The following ACCSL variants were observed in gnomAD, a reference collection of about 807,000 sequenced individuals.
ACCSL encodes the protein 1-aminocyclopropane-1-carboxylate synthase homolog (inactive) like.
Under a neutral mutation model 61.7 loss-of-function variants are expected in ACCSL, and 55 were observed. The observed-to-expected ratio is 0.89, with a 90% CI of 0.72 to 1.12. The LOEUF is 1.12. Ranked by LOEUF, ACCSL falls within the 50% of genes most tolerant of loss-of-function variation. The pLI is 0.00. For synonymous variants in ACCSL, 258 were observed against 264.3 expected (o/e 0.98, Z 0.23); for missense variants, 632 against 698.0 (o/e 0.91, Z 1.07).
At chr11:44,008,615 C>T in the ACCSL span, among the ~76,000 whole-genome samples, 35 of 152,346 alleles carry the variant, frequency 2.3e-4, no homozygotes, top group African/African-American at 8.2e-4. Context: ...CATAGTCTTT[C>T]TATATATGAA....
At chr11:44,003,031 G>C in the ACCSL span, among the ~76,000 whole-genome samples, 7 of 152,168 alleles carry the variant, frequency 4.6e-5, no homozygotes, top group African/African-American at 1.7e-4. Context: ...GCGTGGTGAG[G>C]GGACATGAGT....
At chr11:43,958,141 A>T in the ACCSL span, among the ~76,000 whole-genome samples, 1 of 152,242 alleles carries the variant, frequency 6.6e-6, no homozygotes, top group Non-Finnish European at 1.5e-5. Context: ...ACCAGCCACC[A>T]GGTCAAGATG....
the ACCSL span, among the ~76,000 whole-genome samples, chr11:44,009,212 A>C: frequency 6.6e-6 from 1 of 152,010 alleles, no homozygotes; most frequent in Non-Finnish European, 1.5e-5. Context: ...TGCTCCATAA[A>C]TGGAAGCTAC....
chr11:43,986,605 G>A, the ACCSL span, among the ~76,000 whole-genome samples: 1 of 152,090 alleles, frequency 6.6e-6, no homozygotes, highest in Admixed American at 6.5e-5. Flanking sequence ...TCCTCTGCCT[G>A]GAAAAACTGT....
At chr11:44,000,110 C>T in the ACCSL span, among the ~76,000 whole-genome samples, 1 of 151,928 alleles carries the variant, frequency 6.6e-6, no homozygotes, top group Non-Finnish European at 1.5e-5. Flanking sequence ...TGAAACCCTG[C>T]CTCTATTTTT....
At chr11:44,005,849 A>C in the ACCSL span, among the ~76,000 whole-genome samples, 1 of 152,214 alleles carries the variant, frequency 6.6e-6, no homozygotes, top group Non-Finnish European at 1.5e-5. Flanking sequence ...GCTTACAGGC[A>C]TGTAGGATTT....
chr11:44,049,419 CAAAAAAAAAAAAA>C (rs33944147), intron 1 of ACCSL, among the ~76,000 whole-genome samples: 1 of 33,950 alleles, frequency 2.9e-5, no homozygotes, highest in East Asian at 9.8e-4. Context: ...GACCCTGTCT[CAAAAAAAAAAAAA>C]AAAAAAAAAA....
the ACCSL span, among the ~76,000 whole-genome samples, chr11:44,040,454 A>T: frequency 1.3e-3 from 191 of 152,282 alleles, 1 homozygote; most frequent in African/African-American, 4.4e-3. Flanking sequence ...AAGAAAGCCC[A>T]CTTTAGGTAA....
the ACCSL span, among the ~76,000 whole-genome samples, chr11:43,948,896 A>G: frequency 1.7e-3 from 265 of 152,280 alleles, 1 homozygote; most frequent in African/African-American, 6.0e-3. Context: ...GAACCCCCCT[A>G]GGGGCTGCTC....
the ACCSL span, among the ~76,000 whole-genome samples, chr11:43,966,499 A>C: frequency 0.65 from 97,877 of 150,998 alleles, 32,209 homozygotes; most frequent in East Asian, 0.87. Context: ...TGAAAAAAAA[A>C]CCCACAAAAT....
upstream of ACCSL, among the ~76,000 whole-genome samples, chr11:44,047,372 G>A (rs1754407948): frequency 6.6e-6 from 1 of 152,326 alleles, no homozygotes; most frequent in South Asian, 2.1e-4. Flanking sequence ...AAGGGCTGAT[G>A]TTCTTCAACA....
chr11:44,018,987 A>G, the ACCSL span, among the ~76,000 whole-genome samples: 1 of 152,226 alleles, frequency 6.6e-6, no homozygotes, highest in Admixed American at 6.5e-5. Context: ...CTTGGCAACC[A>G]CTAATTCATT....
At chr11:44,030,176 C>T in the ACCSL span, among the ~76,000 whole-genome samples, 1 of 146,122 alleles carries the variant, frequency 6.8e-6, no homozygotes, top group Non-Finnish European at 1.5e-5. Flanking sequence ...CTTGTCTCTC[C>T]CTGGGCCCTT....
the ACCSL span, among the ~76,000 whole-genome samples, chr11:44,010,388 T>A: frequency 6.6e-6 from 1 of 152,132 alleles, no homozygotes. Context: ...TACTGAACAC[T>A]TACTATGTAC....
the ACCSL span, among the ~76,000 whole-genome samples, chr11:44,019,781 T>G: frequency 6.6e-6 from 1 of 152,212 alleles, no homozygotes; most frequent in Non-Finnish European, 1.5e-5. Context: ...TATTTTTCTT[T>G]TGTAAATTGT....
the ACCSL span, among the ~76,000 whole-genome samples, chr11:43,972,470 G>A: frequency 2.0e-5 from 3 of 152,314 alleles, no homozygotes; most frequent in Non-Finnish European, 4.4e-5. Flanking sequence ...TGTGATTGAG[G>A]TGTTGTTGGT....
the ACCSL span, among the ~76,000 whole-genome samples, chr11:43,960,980 G>T: frequency 1.9e-3 from 282 of 151,992 alleles, 2 homozygotes; most frequent in African/African-American, 6.4e-3. Flanking sequence ...CACCACACTT[G>T]GTGATTTTTT....
the ACCSL span, among the ~76,000 whole-genome samples, chr11:44,021,391 G>A: frequency 2.0e-5 from 3 of 152,062 alleles, no homozygotes; most frequent in Non-Finnish European, 2.9e-5. Context: ...CATTTTTCAT[G>A]TTTGTTGGCC....
upstream of ACCSL, chr11:44,047,959 T>A: frequency 6.6e-7 from 1 of 1,518,876 alleles, no homozygotes; most frequent in South Asian, 1.3e-5. Context: ...CAGGAGATCC[T>A]CCTTTGCTCC....
Sources: gnomAD v4.1 joint callset for allele counts (sites outside exome capture counted in the v4.1 genomes callset) on GRCh38, gnomAD v4.1.1 for gene constraint, MANE v1.5 for transcripts, NCBI Gene and HGNC (gene_info 2026-07-23, HGNC 2026-07-21) for gene names.